Variants in SMUG1 observed in about 807,000 individuals in gnomAD.
SMUG1 encodes the protein single-strand-selective monofunctional uracil-DNA glycosylase 1.
SMUG1 carries 13 observed loss-of-function variants against 23.9 expected under a neutral mutation model. The observed-to-expected ratio is 0.54, with a 90% CI of 0.35 to 0.86. SMUG1 has a LOEUF of 0.86. Among genes scored for constraint, SMUG1 ranks in the 40% least tolerant of loss-of-function variants. The probability of loss-of-function intolerance (pLI) is 0.01; values close to 1 mark genes in which losing one functional copy is unlikely to be tolerated. For missense variants in SMUG1, 313 were observed against 339.5 expected (o/e 0.92, Z 0.61); for synonymous variants, 133 against 139.8 (o/e 0.95, Z 0.34).
chr12:54,168,505 C>G (rs1454205478), intron 3 of SMUG1: 1 of 152,188 alleles, frequency 6.6e-6, no homozygotes, highest in Non-Finnish European at 1.5e-5. Context: ...CTCTAAAGAA[C>G]CAGAAATGCC....
chr12:54,159,606 G>A (rs576081269), intron 4 of SMUG1, among the ~76,000 whole-genome samples: 1 of 152,286 alleles, frequency 6.6e-6, no homozygotes, highest in South Asian at 2.1e-4. Flanking sequence ...TTTTTAAAAG[G>A]AAAATGGTCT....
chr12:54,163,547 G>T (rs1329175341), downstream of SMUG1, among the ~76,000 whole-genome samples: 1 of 152,168 alleles, frequency 6.6e-6, no homozygotes, highest in Non-Finnish European at 1.5e-5. Context: ...AAAAGAGAAG[G>T]GACCAAATGA....
intron 1 of SMUG1, among the ~76,000 whole-genome samples, chr12:54,188,207 C>T (rs1200608955): frequency 1.3e-5 from 2 of 151,094 alleles, no homozygotes; most frequent in Non-Finnish European, 1.5e-5. Context: ...CACATATGCA[C>T]TCCCCTGTCC....
chr12:54,170,954 C>A (rs989641568), intron 3 of SMUG1, among the ~76,000 whole-genome samples: 1 of 151,446 alleles, frequency 6.6e-6, no homozygotes, highest in Non-Finnish European at 1.5e-5. Context: ...CTAAATATTG[C>A]GGCGCCTAGA....
intron 3 of SMUG1, among the ~76,000 whole-genome samples, chr12:54,170,495 G>C (rs1174239472): frequency 4.6e-5 from 7 of 152,136 alleles, no homozygotes; most frequent in Non-Finnish European, 8.8e-5. Context: ...AGGGCAGCTG[G>C]GAATGAAAAA....
chr12:54,168,054 A>T (rs1025984561), intron 3 of SMUG1, among the ~76,000 whole-genome samples: 3 of 152,104 alleles, frequency 2.0e-5, no homozygotes, highest in African/African-American at 7.2e-5. Context: ...AGGGACATGG[A>T]GATGTCAGTT....
downstream of SMUG1, among the ~76,000 whole-genome samples, chr12:54,160,636 C>T (rs1373684415): frequency 3.3e-5 from 5 of 152,342 alleles, no homozygotes; most frequent in East Asian, 1.9e-4. Context: ...TCCACGAAGC[C>T]CAAAAGTGAA....
chr12:54,175,893 A>G (rs1940738213), downstream of SMUG1, among the ~76,000 whole-genome samples: 1 of 152,206 alleles, frequency 6.6e-6, no homozygotes, highest in Admixed American at 6.5e-5. Flanking sequence ...ATTTTCTTTA[A>G]GCTATCCTGT....
chr12:54,162,197 C>T (rs1351526126), downstream of SMUG1: 1 of 152,162 alleles, frequency 6.6e-6, no homozygotes, highest in East Asian at 1.9e-4. Context: ...ACAATGACCC[C>T]TCCAGTCCCA....
chr12:54,169,792 T>C (rs1312890122), intron 3 of SMUG1, among the ~76,000 whole-genome samples: 1 of 152,142 alleles, frequency 6.6e-6, no homozygotes, highest in Non-Finnish European at 1.5e-5. Flanking sequence ...AATCAGGTAA[T>C]AGTACATCTG....
chr12:54,167,405 C>A (rs566582682), intron 3 of SMUG1, among the ~76,000 whole-genome samples: 1 of 152,190 alleles, frequency 6.6e-6, no homozygotes, highest in South Asian at 2.1e-4. Flanking sequence ...CCAGCTCCCC[C>A]ACAACCCAGG....
At chr12:54,164,093 C>A (rs1206304949), downstream of SMUG1, among the ~76,000 whole-genome samples, 1 of 151,912 alleles carries the variant, frequency 6.6e-6, no homozygotes, top group Non-Finnish European at 1.5e-5. Context: ...CCCAGGAATG[C>A]AAGAGCAAGA....
rs1940535464 is a variant in SMUG1 at position 54,168,264 on chromosome 12, T to G, written c.*53-2786A>C. ...CTCCCTATTTCTCAGTCTCCCTCAA[T>G]CTTCATCATTCTCTTTTTCAGATTT... On this transcript the variant is annotated intron_variant and NMD_transcript_variant, in intron 3 of 4. Transcript: ENST00000509864. 2.0e-5 allele frequency: 3 copies of G among 152,242 alleles called. No individual in the cohort carries two copies. In the South Asian group the frequency reaches 6.2e-4, roughly 31 times the overall value. The allele number at this position is 152,242 out of a possible 1,614,324, so 9.4% of individuals were successfully genotyped here.
Position 54,183,017 on chromosome 12 carries a change from C to T in SMUG1, c.286-394G>A, listed in dbSNP as rs185659248. The T allele has an allele frequency of 1.5e-5, 3 of 196,408 alleles. No individual in the cohort carries two copies. The East Asian group carries it at 4.1e-4, about 27-fold the overall frequency. 12.2% of individuals were successfully genotyped at this position (196,408 alleles called of 1,614,324 possible). ...CTGACCACTGCTGTCTGGATGCCCT[C>T]TCAGCCCCAAGCCTCAGGCTGTCAT... On this transcript the variant is annotated intron_variant, in intron 3 of 3. Coordinates refer to ENST00000682136, the MANE Select transcript of SMUG1 (RefSeq NM_001243787.2).
chr12:54,185,861 G>T (rs1942339166), intron 2 of SMUG1, among the ~76,000 whole-genome samples: 1 of 152,046 alleles, frequency 6.6e-6, no homozygotes, highest in South Asian at 2.1e-4. Flanking sequence ...TTATGTTTAG[G>T]TGAAGGGAGA....
Position 54,183,851 on chromosome 12 carries a change from G to T in SMUG1, c.90C>A (p.Ser30Arg). The T allele has an allele frequency of 6.2e-7, 1 of 1,613,386 alleles. No homozygotes were observed. The highest frequency in any genetic ancestry group is 8.5e-7 in the Non-Finnish European group (1 of 1,179,714). Reference protein sequence around the residue: ...PQPCPGSLAESFLEEELRLNA... With the variant: ...PQPCPGSLAERFLEEELRLNA... The stretch of plus-strand genomic sequence containing the variant: ...TGAGCCGAAGCTCCTCCTCCAGGAA[G>T]CTCTCAGCCAAGCTTCCAGGGCAGG... The change falls in exon 3 of 4, where the codon AGC (serine) becomes AGA (arginine). Residue 30 changes from serine to arginine, a missense_variant. Physicochemically the swap from Ser to Arg is moderately radical, Grantham distance 110. Transcript: ENST00000682136.
intron 3 of SMUG1, among the ~76,000 whole-genome samples, chr12:54,166,071 G>A (rs557544038): frequency 6.0e-4 from 91 of 152,336 alleles, no homozygotes; most frequent in African/African-American, 2.1e-3. Flanking sequence ...GAATATAAAA[G>A]TTGGAGCCCG....
intron 3 of SMUG1, among the ~76,000 whole-genome samples, chr12:54,166,579 T>C (rs1246111187): frequency 6.6e-6 from 1 of 152,142 alleles, no homozygotes; most frequent in African/African-American, 2.4e-5. Flanking sequence ...TAGCCCTCCG[T>C]GTGATGCTGT....
chr12:54,165,235 A>G (rs991780071), intron 4 of SMUG1: 5 of 152,184 alleles, frequency 3.3e-5, no homozygotes, highest in Non-Finnish European at 7.3e-5. Context: ...ACTGCACATG[A>G]TCAGCAGACC....
Sources: allele counts gnomAD v4.1 joint callset (sites outside exome capture counted in the v4.1 genomes callset), GRCh38; gene constraint gnomAD v4.1.1; transcripts MANE v1.5; gene names NCBI Gene and HGNC (gene_info 2026-07-23, HGNC 2026-07-21).